C6orf62: variants seen among roughly 807,000 people sequenced by gnomAD.
C6orf62 encodes uncharacterized protein C6orf62.
Under a neutral mutation model 26.8 loss-of-function variants are expected in C6orf62, and 16 were observed. The ratio of observed to expected loss-of-function variants is 0.60; its 90% CI spans 0.40 to 0.91. The LOEUF is 0.91. Ranked by LOEUF, C6orf62 falls within the 40% of genes least tolerant of loss-of-function variation. The pLI is 0.00. For synonymous variants in C6orf62, 112 were observed against 91.5 expected (o/e 1.22, Z -1.28); for missense variants, 192 against 271.4 (o/e 0.71, Z 2.06).
At chr6:24,718,118 A>G (rs1024487430) in intron 1 of C6orf62, among the ~76,000 whole-genome samples, 5 of 152,256 alleles carry the variant, frequency 3.3e-5, no homozygotes, top group South Asian at 2.1e-4. Flanking sequence ...GGTTACCTAC[A>G]TTACGCAGTT....
upstream of C6orf62, chr6:24,719,178 CACCAAA>C (rs142202740): frequency 0.038 from 35,039 of 917,520 alleles, 726 homozygotes; most frequent in East Asian, 0.07. Flanking sequence ...AAAAAAAACT[CACCAAA>C]ACCAAAACCA....
rs200156457 is a variant in C6orf62 at position 24,708,829 on chromosome 6, A to G, written c.512T>C (p.Val171Ala). 1 of 1,614,230 alleles carries G rather than the reference A, an allele frequency of 6.2e-7. No individual in the cohort carries two copies. The highest frequency in any genetic ancestry group is 8.5e-7 in the Non-Finnish European group (1 of 1,180,044). The change falls in exon 4 of 5, where the codon GTC becomes GCC. Residue 171 changes from valine (V) to alanine (A), a missense_variant. Coordinates refer to ENST00000378119, the MANE Select transcript of C6orf62 (RefSeq NM_030939.5). ...AAACACTGACTGGTTAGGATTGTTGACAACGATTCCAGTCTTGTCCTTGCG... is the reference window on the plus strand; with the variant it reads ...AAACACTGACTGGTTAGGATTGTTGGCAACGATTCCAGTCTTGTCCTTGCG... ...LSRKDKTGIV[V>A]NNPNQSVFLF...
intron 3 of C6orf62, among the ~76,000 whole-genome samples, chr6:24,712,937 TAG>T (rs935330739): frequency 1.3e-5 from 2 of 152,330 alleles, no homozygotes; most frequent in Non-Finnish European, 2.9e-5. Context: ...AGAGAGCAGC[TAG>T]AGTTATCAGC....
At chr6:24,714,947 C>T (rs1206341573) in intron 2 of C6orf62, among the ~76,000 whole-genome samples, 1 of 152,052 alleles carries the variant, frequency 6.6e-6, no homozygotes, top group Non-Finnish European at 1.5e-5. Flanking sequence ...TACAGAGAGT[C>T]ACATACACTC....
chr6:24,720,273 C>T (rs1176917233), upstream of C6orf62: 4 of 1,288,070 alleles, frequency 3.1e-6, no homozygotes, highest in South Asian at 5.1e-5. Context: ...GGAGCGGTGG[C>T]GGCGGCGGAA....
At chr6:24,708,746 C>T (rs772665408) in intron 4 of C6orf62, 31 bp downstream of exon 4, 52 of 1,613,654 alleles carry the variant, frequency 3.2e-5, no homozygotes, top group South Asian at 1.4e-4. Flanking sequence ...TTTGAATGAG[C>T]CTGTAAGTGG....
intron 3 of C6orf62, among the ~76,000 whole-genome samples, chr6:24,711,386 T>C (rs896099067): frequency 1.3e-4 from 20 of 152,046 alleles, no homozygotes; most frequent in African/African-American, 4.8e-4. Flanking sequence ...AAAGAAGAGA[T>C]ACATTTTAGT....
At chr6:24,708,248 T>C (rs77976012) in intron 4 of C6orf62, among the ~76,000 whole-genome samples, 3 of 103,094 alleles carry the variant, frequency 2.9e-5, no homozygotes, top group African/African-American at 1.3e-4. Context: ...GTGGGTTTTT[T>C]CCCGTTTAAA....
intron 3 of C6orf62, among the ~76,000 whole-genome samples, chr6:24,710,746 C>A (rs920181324): frequency 3.9e-5 from 6 of 152,130 alleles, no homozygotes; most frequent in African/African-American, 1.4e-4. Context: ...GACCTATAAT[C>A]CCAGCACTTT....
upstream of C6orf62, chr6:24,720,159 G>A (rs929572828): frequency 5.9e-6 from 8 of 1,360,374 alleles, no homozygotes; most frequent in Non-Finnish European, 7.5e-6. Context: ...GGCAGCTAGG[G>A]CGGGGTGGGT....
intron 1 of C6orf62, among the ~76,000 whole-genome samples, chr6:24,717,962 T>C (rs1467332187): frequency 1.3e-5 from 2 of 152,204 alleles, no homozygotes; most frequent in Non-Finnish European, 1.5e-5. Context: ...TCTAGGTCAT[T>C]TTGAGTTTTT....
At chr6:24,720,268 G>A (rs1779328927), upstream of C6orf62, 2 of 1,296,480 alleles carry the variant, frequency 1.5e-6, no homozygotes, top group Admixed American at 3.9e-5. Context: ...CGGGCGGAGC[G>A]GTGGCGGCGG....
intron 2 of C6orf62, among the ~76,000 whole-genome samples, chr6:24,715,555 G>C (rs1779205206): frequency 6.6e-6 from 1 of 151,916 alleles, no homozygotes; most frequent in South Asian, 2.1e-4. Context: ...ATTAAAAACA[G>C]TTGGCTACTG....
At chr6:24,717,458 C>T (rs1302325363) in intron 1 of C6orf62, among the ~76,000 whole-genome samples, 5 of 152,222 alleles carry the variant, frequency 3.3e-5, no homozygotes, top group Non-Finnish European at 7.3e-5. Flanking sequence ...TGCTATACTT[C>T]AGCAGCTAAG....
At position 24,718,608 on chromosome 6, in the gene C6orf62, T is replaced by C; in HGVS notation, c.61A>G (p.Lys21Glu). 6.2e-7 allele frequency: 1 copy of C among 1,614,112 alleles called. No homozygotes were observed. The highest frequency in any genetic ancestry group is 8.5e-7 in the Non-Finnish European group (1 of 1,180,006). ...ALNRLRAQLR[K>E]KKESLADQFD... ...TGGTCAGCTAGAGATTCTTTTTTCTTTCTAAGCTGAGCACGTAGTCTGTTC... is the reference window on the plus strand; with the variant it reads ...TGGTCAGCTAGAGATTCTTTTTTCTCTCTAAGCTGAGCACGTAGTCTGTTC... Residue 21 changes from lysine to glutamate, a missense_variant, in exon 1 of 5, where the codon AAG becomes GAG. Physicochemically the swap from Lys to Glu is moderately conservative, Grantham distance 56 (BLOSUM62 1). Coordinates refer to ENST00000378119, the MANE Select transcript of C6orf62 (RefSeq NM_030939.5).
At chr6:24,707,182 A>C (rs902539590) in intron 4 of C6orf62, 3 of 152,204 alleles carry the variant, frequency 2.0e-5, no homozygotes, top group African/African-American at 4.8e-5. Flanking sequence ...TTTAAATGTA[A>C]CAACCTTACG....
chr6:24,716,857 G>A (rs1165787698), intron 1 of C6orf62, among the ~76,000 whole-genome samples: 1 of 152,140 alleles, frequency 6.6e-6, no homozygotes, highest in East Asian at 1.9e-4. Context: ...TCGAGTAGCT[G>A]GGATTACAGG....
Position 24,713,985 on chromosome 6 carries a change from C to T in C6orf62, c.429+333G>A, listed in dbSNP as rs376232935. 6.6e-5 allele frequency among the ~76,000 whole-genome samples: 10 copies of T among 152,302 alleles called. 1 individual carries two copies. The East Asian group carries it at 1.4e-3, about 21-fold the overall frequency. Reference sequence around the variant, plus strand: ...CTTTGGGAAGCAGCAGTTAAATATACGGTTTTAGAAGGATGTGTGGTGAAG... The same window carrying T: ...CTTTGGGAAGCAGCAGTTAAATATATGGTTTTAGAAGGATGTGTGGTGAAG... On this transcript the variant is annotated intron_variant, in intron 3 of 4. Coordinates refer to ENST00000378119, the MANE Select transcript of C6orf62 (RefSeq NM_030939.5).
At chr6:24,707,226 C>G (rs1179245511) in intron 4 of C6orf62, 1 of 152,272 alleles carries the variant, frequency 6.6e-6, no homozygotes, top group South Asian at 2.1e-4. Flanking sequence ...ATCATTTGTT[C>G]AATTTCACAG....
Sources: gnomAD v4.1 joint callset for allele counts (sites outside exome capture counted in the v4.1 genomes callset) on GRCh38, gnomAD v4.1.1 for gene constraint, MANE v1.5 for transcripts, NCBI Gene and HGNC (gene_info 2026-07-23, HGNC 2026-07-21) for gene names.